The following YPEL1 variants were observed in gnomAD, a reference collection of about 807,000 sequenced individuals.
YPEL1 encodes the protein yippee like 1.
A neutral mutation model predicts 17.3 loss-of-function variants in YPEL1; 7 were observed. That is an observed-to-expected ratio of 0.40 (90% confidence interval 0.23 to 0.76). YPEL1 has a LOEUF of 0.76. Among genes scored for constraint, YPEL1 ranks in the 30% least tolerant of loss-of-function variants. YPEL1 has a pLI of 0.35. For synonymous variants in YPEL1, 59 were observed against 59.6 expected (o/e 0.99, Z 0.05); for missense variants, 91 against 155.5 (o/e 0.59, Z 2.21).
chr22:21,703,745 G>T lies in YPEL1; in HGVS notation c.161+94C>A. 1.5e-6 allele frequency: 2 copies of T among 1,377,658 alleles called. No individual in the cohort carries two copies. The highest frequency in any genetic ancestry group is 2.0e-6 in the Non-Finnish European group (2 of 1,003,546). 85.3% of individuals were successfully genotyped at this position (1,377,658 alleles called of 1,614,324 possible). ...GGTGGGTTCTTTCAGGACCCCTAAA[G>T]ACCCAGGTGATTCTACACAGGGCAC... On this transcript the variant is annotated intron_variant, in intron 3 of 4. Transcript: ENST00000339468. This position sits in a 1 kb window ranked among gnomAD's most constrained non-coding sequence, Gnocchi z 6.1.
chr22:21,703,519 G>GC lies in YPEL1; in HGVS notation c.162-42dup. On this transcript the variant is annotated intron_variant, in intron 3 of 4. Coordinates refer to ENST00000339468, the MANE Select transcript of YPEL1 (RefSeq NM_013313.5). This position sits in a 1 kb window ranked among gnomAD's most constrained non-coding sequence, Gnocchi z 6.1. ...GGCCACTGCGCTGCAGGCCCGGCCC[G>GC]CCCCTGACCAGGCCCTGCCCCCTCA... is the stretch of plus-strand genomic sequence containing the variant. The GC allele has an allele frequency of 6.4e-7, 1 of 1,560,656 alleles. No homozygotes were observed. The highest frequency in any genetic ancestry group is 8.7e-7 in the Non-Finnish European group (1 of 1,143,932).
At chr22:21,717,159 C>CCT (rs747451801) in intron 1 of YPEL1, among the ~76,000 whole-genome samples, 1 of 151,296 alleles carries the variant, frequency 6.6e-6, no homozygotes, top group African/African-American at 2.5e-5. Context: ...GGGCGGATCA[C>CCT]AAGGTCAGGA....
rs578150812 is a variant in YPEL1 at position 21,715,344 on chromosome 22, ATT to A, written c.-164-4438_-164-4437del. ...CCCCGTCTCTATTAAAAATACAAAT[ATT>A]AGCTGGGCGTGGTGGCGTGCGCCTG... is the stretch of plus-strand genomic sequence containing the variant. On this transcript the variant is annotated intron_variant, in intron 1 of 4. Transcript: ENST00000339468. Among the ~76,000 whole-genome samples, 51 of 151,858 alleles carry A rather than the reference ATT, an allele frequency of 3.4e-4. 2 individuals carry two copies. In the East Asian group the frequency reaches 4.2e-3, roughly 12 times the overall value.
At chr22:21,718,552 C>T (rs544924022) in intron 1 of YPEL1, among the ~76,000 whole-genome samples, 3 of 151,916 alleles carry the variant, frequency 2.0e-5, no homozygotes, top group Admixed American at 2.0e-4. Context: ...AAAGAGAGCC[C>T]GGAAACAGAC....
At chr22:21,722,974 C>A (rs1291740020) in intron 1 of YPEL1, 1 of 150,636 alleles carries the variant, frequency 6.6e-6, no homozygotes, top group Non-Finnish European at 1.5e-5. Flanking sequence ...GGAGTTTTGA[C>A]CTGCTTTGTT....
chr22:21,715,764 T>TTC (rs202238590), intron 1 of YPEL1, among the ~76,000 whole-genome samples: 764 of 36,650 alleles, frequency 0.021, 16 homozygotes, highest in African/African-American at 0.2. Flanking sequence ...TTCTTTTCTT[T>TTC]TTTTTTTTTT....
chr22:21,712,127 A>G (rs746345918), intron 1 of YPEL1, among the ~76,000 whole-genome samples: 11 of 152,138 alleles, frequency 7.2e-5, no homozygotes, highest in Non-Finnish European at 1.3e-4. Context: ...GTGAGCTGAG[A>G]TCGTCCAACT....
rs1355501613 is a variant in YPEL1, at chr22:21,699,417, ATCC to A, written c.*1709_*1711del. The A allele has an allele frequency of 3.3e-5, 5 of 152,366 alleles. No homozygotes were observed. Among genetic ancestry groups the A allele is most frequent in the Non-Finnish European group, 5.9e-5 (4 of 68,034 alleles). 9.4% of individuals were successfully genotyped at this position (152,366 alleles called of 1,614,324 possible). On this transcript the variant is annotated 3_prime_UTR_variant, in exon 5 of 5. Transcript: ENST00000339468. The stretch of plus-strand genomic sequence containing the variant: ...TATCTGGGAGTGGTTTTTGACCTCC[ATCC>A]TCTGCAAAGTGGCCTAAACCCTTAT...
intron 1 of YPEL1, among the ~76,000 whole-genome samples, chr22:21,724,415 C>T (rs923112205): frequency 6.6e-6 from 1 of 151,872 alleles, no homozygotes; most frequent in Non-Finnish European, 1.5e-5. Flanking sequence ...CGGGCACCTG[C>T]AATCCCAGCT....
intron 2 of YPEL1, among the ~76,000 whole-genome samples, chr22:21,708,447 T>C (rs921966103): frequency 2.7e-5 from 4 of 150,084 alleles, no homozygotes; most frequent in African/African-American, 9.8e-5. Flanking sequence ...GCAATTCTCA[T>C]GTCTCAGTCT....
In YPEL1 at chr22:21,717,333, G is replaced by A. The variant is rs560974134; in HGVS notation, c.-164-6425C>T. Among the ~76,000 whole-genome samples the A allele has an allele frequency of 8.2e-5, 12 of 146,538 alleles. No individual in the cohort carries two copies. In the East Asian group the frequency reaches 1.0e-3, roughly 12 times the overall value. ...GGAGGTTGCAGTGAGCTGAGATTGC[G>A]CCACTGCACTCCAGCCTTGGGTAAC... On this transcript the variant is annotated intron_variant, in intron 1 of 4. Transcript: ENST00000339468.
rs986154320 is a variant in YPEL1 at position 21,730,502 on chromosome 22, C to T, written c.-165+5113G>A. ...CCTCCCAAAGTGTTGGGATTACAGG[C>T]GTGAGCTACAGCATCTGGCCCACAC... On this transcript the variant is annotated intron_variant, in intron 1 of 4. Transcript: ENST00000339468. Among the ~76,000 whole-genome samples the T allele has an allele frequency of 1.6e-4, 25 of 152,204 alleles. 1 individual carries two copies. The highest frequency in any genetic ancestry group is 2.6e-4 in the Admixed American group (4 of 15,288).
At chr22:21,720,800 C>A (rs1368437723) in intron 1 of YPEL1, among the ~76,000 whole-genome samples, 1 of 149,140 alleles carries the variant, frequency 6.7e-6, no homozygotes, top group East Asian at 2.0e-4. Flanking sequence ...AGCCACCATG[C>A]CTGGCCGATT....
chr22:21,715,364 T>C (rs942070664), intron 1 of YPEL1, among the ~76,000 whole-genome samples: 1 of 151,346 alleles, frequency 6.6e-6, no homozygotes, highest in African/African-American at 2.4e-5. Context: ...CGTGGTGGCG[T>C]GCGCCTGTAG....
chr22:21,709,709 C>G (rs1186324448), intron 2 of YPEL1, among the ~76,000 whole-genome samples: 1 of 152,046 alleles, frequency 6.6e-6, no homozygotes, highest in African/African-American at 2.4e-5. Context: ...CCAAAGTGGT[C>G]GTGACCTGTG....
rs73877674 is a variant in YPEL1, at chr22:21,701,300, A to C, written c.271-82T>G. On this transcript the variant is annotated intron_variant, in intron 4 of 4. Transcript: ENST00000339468. ...CACTCTTTTGGCAAAAACCCCCCCC[A>C]AGTCTATACTATGAACTATATACCC... The C allele has an allele frequency of 2.0e-3, 1,938 of 992,040 alleles. 28 individuals are homozygous for C. The African/African-American group carries it at 0.028, about 14-fold the overall frequency. 61.5% of individuals were successfully genotyped at this position (992,040 alleles called of 1,614,324 possible). A position where few individuals can be genotyped will look rare whatever the true frequency, so the allele number is the denominator to read the frequency against.
At chr22:21,715,368 C>T (rs2068210946) in intron 1 of YPEL1, among the ~76,000 whole-genome samples, 1 of 151,686 alleles carries the variant, frequency 6.6e-6, no homozygotes, top group South Asian at 2.1e-4. Flanking sequence ...GTGGCGTGCG[C>T]CTGTAGTACC....
rs1046035765 is a variant in YPEL1 at position 21,703,148 on chromosome 22, T to C, written c.270+222A>G. Among the ~76,000 whole-genome samples the C allele has an allele frequency of 1.3e-5, 2 of 152,080 alleles. No homozygotes were observed. Among genetic ancestry groups the C allele is most frequent in the Admixed American group, 1.3e-4 (2 of 15,278 alleles). ...AACAGGGCTTGAAAACATGGTGTTT[T>C]TGTTTTTTGTTTTGGGTTGGGGTAT... is the stretch of plus-strand genomic sequence containing the variant. On this transcript the variant is annotated intron_variant, in intron 4 of 4. Coordinates refer to ENST00000339468, the MANE Select transcript of YPEL1 (RefSeq NM_013313.5). The surrounding 1 kb of genome is among the most constrained non-coding windows in gnomAD (Gnocchi z 6.1).
At chr22:21,729,294 G>C (rs143735077) in intron 1 of YPEL1, among the ~76,000 whole-genome samples, 1 of 151,944 alleles carries the variant, frequency 6.6e-6, no homozygotes, top group East Asian at 1.9e-4. Flanking sequence ...ATTGGTGACA[G>C]AGTACGATCT....
Sources: allele counts gnomAD v4.1 joint callset (sites outside exome capture counted in the v4.1 genomes callset), GRCh38; gene constraint gnomAD v4.1.1; non-coding constraint Gnocchi (gnomAD v3.1); transcripts MANE v1.5; gene names NCBI Gene and HGNC (gene_info 2026-07-23, HGNC 2026-07-21).